Variants in ZNF385D observed in about 807,000 individuals in gnomAD.
The protein encoded by ZNF385D is zinc finger protein 385D, also known as zinc finger protein 659.
ZNF385D carries 15 observed loss-of-function variants against 35.8 expected under a neutral mutation model. The observed-to-expected ratio is 0.42, with a 90% CI of 0.28 to 0.64. The LOEUF (loss-of-function observed/expected upper bound fraction) is 0.64, where lower values mean the gene tolerates loss of function less well. ZNF385D is among the 30% of genes least tolerant of loss of function. The probability of loss-of-function intolerance (pLI) is 0.23; values close to 1 mark genes in which losing one functional copy is unlikely to be tolerated. For synonymous variants in ZNF385D, 212 were observed against 186.8 expected (o/e 1.13, Z -1.10); for missense variants, 474 against 494.6 (o/e 0.96, Z 0.39).
intron 2 of ZNF385D, among the ~76,000 whole-genome samples, chr3:22,197,712 C>T (rs991285567): frequency 2.0e-5 from 3 of 152,074 alleles, no homozygotes; most frequent in African/African-American, 7.2e-5. Flanking sequence ...CTTATAATAG[C>T]AGCTTCCCTT....
At chr3:21,571,386 A>G (rs139485345) in intron 2 of ZNF385D, among the ~76,000 whole-genome samples, 2 of 152,284 alleles carry the variant, frequency 1.3e-5, no homozygotes, top group South Asian at 2.1e-4. Flanking sequence ...ATGTTAATCT[A>G]TTAGGAATAA....
chr3:22,015,832 T>C (rs1696854262), intron 3 of ZNF385D, among the ~76,000 whole-genome samples: 1 of 152,114 alleles, frequency 6.6e-6, no homozygotes, highest in African/African-American at 2.4e-5. Flanking sequence ...TGAACCACTA[T>C]GCCAAAGTTC....
chr3:21,956,220 G>T (rs1014009735), intron 3 of ZNF385D, among the ~76,000 whole-genome samples: 2 of 151,250 alleles, frequency 1.3e-5, no homozygotes, highest in East Asian at 3.9e-4. Context: ...GTGAAAGAAA[G>T]AAAGAAAAGA....
At chr3:22,342,276 C>CAAAAAAAAAAAAAA (rs766689054) in intron 2 of ZNF385D, among the ~76,000 whole-genome samples, 1 of 53,506 alleles carries the variant, frequency 1.9e-5, no homozygotes, top group Non-Finnish European at 3.8e-5. Flanking sequence ...GACTCCGCCT[C>CAAAAAAAAAAAAAA]AAAAAAAAAA....
intron 3 of ZNF385D, among the ~76,000 whole-genome samples, chr3:22,083,904 C>G (rs1335904678): frequency 6.6e-6 from 1 of 152,166 alleles, no homozygotes; most frequent in Non-Finnish European, 1.5e-5. Flanking sequence ...CTCTACAAGC[C>G]AGAAGAGAGT....
intron 4 of ZNF385D, among the ~76,000 whole-genome samples, chr3:21,468,657 G>A (rs1197841223): frequency 6.6e-6 from 1 of 152,110 alleles, no homozygotes; most frequent in Non-Finnish European, 1.5e-5. Flanking sequence ...AGGGGGCGGT[G>A]GCTCACGCCT....
At chr3:21,789,632 G>T (rs2125656613) in intron 3 of ZNF385D, among the ~76,000 whole-genome samples, 1 of 152,122 alleles carries the variant, frequency 6.6e-6, no homozygotes, top group African/African-American at 2.4e-5. Flanking sequence ...GAAGAATAAA[G>T]GTAGACATCA....
chr3:21,949,571 A>C (rs1479806670), intron 3 of ZNF385D, among the ~76,000 whole-genome samples: 3 of 92,870 alleles, frequency 3.2e-5, no homozygotes, highest in African/African-American at 8.6e-5. Flanking sequence ...TTTTTTTTTT[A>C]ATACTTTTAA....
chr3:22,080,455 C>G (rs1700690785), intron 3 of ZNF385D, among the ~76,000 whole-genome samples: 3 of 151,986 alleles, frequency 2.0e-5, no homozygotes. Context: ...GATGGAAACT[C>G]ATAAGCTTTG....
chr3:21,504,021 G>C (rs559438371), intron 4 of ZNF385D, among the ~76,000 whole-genome samples: 1 of 152,240 alleles, frequency 6.6e-6, no homozygotes, highest in African/African-American at 2.4e-5. Context: ...TGAGTGAAAA[G>C]TGCAAATTTA....
At position 22,258,891 on chromosome 3, in the gene ZNF385D, A is replaced by G. The variant is rs1156524120; in HGVS notation, c.107-89856T>C. Among the ~76,000 whole-genome samples, 4 of 151,948 alleles carry G rather than the reference A, an allele frequency of 2.6e-5. No homozygotes were observed. In the East Asian group the frequency reaches 5.8e-4, roughly 22 times the overall value. Reference sequence around the variant, plus strand: ...TTTGGTATTCAATCTGCTATAATATATTGCTGTGCTTGAAGTTTATGGAGA... The same window carrying G: ...TTTGGTATTCAATCTGCTATAATATGTTGCTGTGCTTGAAGTTTATGGAGA... On this transcript the variant is annotated intron_variant, in intron 2 of 5. Transcript: ENST00000494108.
intron 4 of ZNF385D, among the ~76,000 whole-genome samples, chr3:21,494,384 G>C (rs1705663867): frequency 6.6e-6 from 1 of 152,130 alleles, no homozygotes; most frequent in Admixed American, 6.6e-5. Flanking sequence ...ATCCTTAGGA[G>C]TGTTTGAGGG....
chr3:21,556,068 G>GTTTTTTTTTTTTTTTTTTTTTTTTAT (rs148079775), intron 3 of ZNF385D, among the ~76,000 whole-genome samples: 1 of 99,020 alleles, frequency 1.0e-5, no homozygotes, highest in Non-Finnish European at 2.0e-5. Context: ...TTTTGTTTTT[G>GTTTTTTTTTTTTTTTTTTTTTTTTAT]TTTTTTTTTT....
Position 21,412,993 on chromosome 3 carries a change from AAAAC to A in ZNF385D, c.*8217_*8220del, listed in dbSNP as rs1320130253. The A allele has an allele frequency of 2.7e-5, 4 of 150,222 alleles. No homozygotes were observed. The highest frequency in any genetic ancestry group is 2.0e-4 in the Admixed American group (3 of 15,078). The allele number at this position is 150,222 out of a possible 1,614,324, so 9.3% of individuals were successfully genotyped here. ...ATGACTTAAAACAGAAGACTGGCAT[AAAAC>A]AAACTATGTGAATTGCCTTAATTAT... is the stretch of plus-strand genomic sequence containing the variant. On this transcript the variant is annotated 3_prime_UTR_variant, in exon 8 of 8. Transcript: ENST00000281523.
chr3:21,573,299 G>C (rs967033678), intron 2 of ZNF385D, among the ~76,000 whole-genome samples: 2 of 152,170 alleles, frequency 1.3e-5, no homozygotes, highest in African/African-American at 4.8e-5. Context: ...GACAATATCT[G>C]AGTGGCCAGT....
chr3:21,898,230 C>T lies in ZNF385D; in HGVS notation c.326-233202G>A, dbSNP rs545925781. On this transcript the variant is annotated intron_variant, in intron 3 of 5. Coordinates refer to the ZNF385D transcript ENST00000494108. ...TTCAGTGATGTTCGATATCACAAAA[C>T]ATTTTATTATCACCGAACAATGAAG... Among the ~76,000 whole-genome samples, 47 of 152,200 alleles carry T rather than the reference C, an allele frequency of 3.1e-4. No individual in the cohort carries two copies. The South Asian group carries it at 3.9e-3, about 13-fold the overall frequency.
chr3:21,862,059 T>C (rs1055677677), intron 3 of ZNF385D, among the ~76,000 whole-genome samples: 3 of 152,136 alleles, frequency 2.0e-5, no homozygotes, highest in African/African-American at 7.2e-5. Flanking sequence ...TAAGTATATA[T>C]TTTAAAATTA....
intron 3 of ZNF385D, among the ~76,000 whole-genome samples, chr3:22,122,270 C>T (rs771395076): frequency 2.6e-5 from 4 of 152,158 alleles, no homozygotes; most frequent in Non-Finnish European, 5.9e-5. Context: ...TGACAAGCAT[C>T]AGGACCTGCA....
intron 3 of ZNF385D, among the ~76,000 whole-genome samples, chr3:21,840,096 T>C (rs1380159166): frequency 6.6e-6 from 1 of 152,246 alleles, no homozygotes; most frequent in South Asian, 2.1e-4. Flanking sequence ...ATTTGCTTTT[T>C]ATACGCATAT....
Sources: allele counts gnomAD v4.1 joint callset (sites outside exome capture counted in the v4.1 genomes callset), GRCh38; gene constraint gnomAD v4.1.1; transcripts MANE v1.5; gene names NCBI Gene and HGNC (gene_info 2026-07-23, HGNC 2026-07-21).